SLCO1B3: variants seen among roughly 807,000 people sequenced by gnomAD.
SLCO1B3 encodes the protein liver-specific organic anion transporter 2.
Under a neutral mutation model 71.8 loss-of-function variants are expected in SLCO1B3, and 72 were observed. The observed-to-expected ratio is 1.00, with a 90% CI of 0.83 to 1.22. SLCO1B3 has a LOEUF of 1.22. Among genes scored for constraint, SLCO1B3 ranks in the 50% most tolerant of loss-of-function variants. SLCO1B3 has a pLI of 0.00. For missense variants in SLCO1B3, 911 were observed against 819.7 expected (o/e 1.11, Z -1.36); for synonymous variants, 298 against 278.4 (o/e 1.07, Z -0.70).
intron 5 of SLCO1B3, 41 bp from the exon 6 acceptor site, chr12:20,860,976 A>G (rs766553499): frequency 6.6e-7 from 1 of 1,520,660 alleles, no homozygotes; most frequent in Non-Finnish European, 8.9e-7. Flanking sequence ...GAAAATATTC[A>G]GTAGATAAGC....
intron 13 of SLCO1B3, among the ~76,000 whole-genome samples, chr12:20,897,068 G>T (rs1419640859): frequency 6.6e-6 from 1 of 152,120 alleles, no homozygotes; most frequent in Non-Finnish European, 1.5e-5. Flanking sequence ...CAACACGTGG[G>T]TATTATGTGA....
Position 20,911,689 on chromosome 12 carries a change from C to T in SLCO1B3, c.1866-4315C>T, listed in dbSNP as rs1016195814. Reference sequence around the variant, plus strand: ...AGATTGTATCTTTCAAGGAATTGGTCCATTTCTTTCAGGTTATTAAAATTG... The same window carrying T: ...AGATTGTATCTTTCAAGGAATTGGTTCATTTCTTTCAGGTTATTAAAATTG... On this transcript the variant is annotated intron_variant, in intron 15 of 15. Coordinates refer to ENST00000381545, the MANE Select transcript of SLCO1B3 (RefSeq NM_019844.4). Among the ~76,000 whole-genome samples the T allele has an allele frequency of 2.0e-5, 3 of 151,032 alleles. No individual in the cohort carries two copies. In the South Asian group the frequency reaches 6.2e-4, roughly 31 times the overall value.
At chr12:20,895,763 C>A (rs1255656032) in intron 13 of SLCO1B3, among the ~76,000 whole-genome samples, 2 of 152,182 alleles carry the variant, frequency 1.3e-5, no homozygotes, top group Non-Finnish European at 2.9e-5. Context: ...CCAGTAGGGA[C>A]TCTGTGTGAT....
At chr12:20,820,240 A>G (rs922854489) in intron 3 of SLCO1B3, among the ~76,000 whole-genome samples, 5 of 152,090 alleles carry the variant, frequency 3.3e-5, no homozygotes, top group South Asian at 2.1e-4. Context: ...GTGATGGTCT[A>G]TGGGGCTTCT....
chr12:20,828,258 T>C, intron 3 of SLCO1B3, among the ~76,000 whole-genome samples: 1 of 150,146 alleles, frequency 6.7e-6, no homozygotes, highest in East Asian at 2.0e-4. Flanking sequence ...CCCTTTTGTA[T>C]CTTAAACACC....
chr12:20,907,445 T>C, intron 15 of SLCO1B3, among the ~76,000 whole-genome samples: 1 of 106,784 alleles, frequency 9.4e-6, no homozygotes, highest in Non-Finnish European at 1.9e-5. Flanking sequence ...CCCCTTCCCT[T>C]CCCCTTCCTT....
chr12:20,881,934 A>G (rs1591778868), intron 12 of SLCO1B3, among the ~76,000 whole-genome samples: 2 of 152,312 alleles, frequency 1.3e-5, no homozygotes, highest in East Asian at 3.9e-4. Flanking sequence ...CTACCAACGT[A>G]TTATTAAACG....
intron 3 of SLCO1B3, among the ~76,000 whole-genome samples, chr12:20,837,203 T>A (rs1864702443): frequency 6.6e-6 from 1 of 152,250 alleles, no homozygotes; most frequent in East Asian, 1.9e-4. Flanking sequence ...CACTCTCTTT[T>A]TTTTTCCCTT....
Position 20,860,599 on chromosome 12 carries a change from T to TTGTG in SLCO1B3, c.360-384_360-381dup, listed in dbSNP as rs34409706. ...ATTGAGTTTTGAAAAGTCAAGCACT[T>TTGTG]TGTGTGTGTGTGTGTGTGTGTGTGT... On this transcript the variant is annotated intron_variant, in intron 5 of 15. Coordinates refer to ENST00000381545, the MANE Select transcript of SLCO1B3 (RefSeq NM_019844.4). 2.8e-3 allele frequency among the ~76,000 whole-genome samples: 417 copies of TTGTG among 146,724 alleles called. 2 individuals are homozygous for TTGTG. The highest frequency in any genetic ancestry group is 6.4e-3 in the African/African-American group (254 of 39,634).
chr12:20,816,297 C>A (rs1428604435), intron 3 of SLCO1B3, among the ~76,000 whole-genome samples: 1 of 152,130 alleles, frequency 6.6e-6, no homozygotes, highest in Non-Finnish European at 1.5e-5. Context: ...CTTATTCATT[C>A]TTTTTAACTA....
In SLCO1B3 at chr12:20,862,592, C is replaced by T. The variant is rs74067337; in HGVS notation, c.628+34C>T. 3.9e-3 allele frequency: 6,111 copies of T among 1,557,382 alleles called. 202 individuals are homozygous for T. The African/African-American group carries it at 0.071, about 18-fold the overall frequency. On this transcript the variant is annotated intron_variant, in intron 7 of 15. Coordinates refer to ENST00000381545, the MANE Select transcript of SLCO1B3 (RefSeq NM_019844.4). The stretch of plus-strand genomic sequence containing the variant: ...CAGAATATATTAAATTTCATGATTA[C>T]ATTCCCTGGATCTACCCTTGAAATA...
chr12:20,833,600 C>A (rs11045538), intron 3 of SLCO1B3, among the ~76,000 whole-genome samples: 67,422 of 147,472 alleles, frequency 0.46, 17,370 homozygotes, highest in South Asian at 0.64. Flanking sequence ...TGCATATATA[C>A]ACTATATATA....
At chr12:20,838,352 A>T (rs1007641341) in intron 3 of SLCO1B3, among the ~76,000 whole-genome samples, 14 of 151,894 alleles carry the variant, frequency 9.2e-5, no homozygotes, top group African/African-American at 2.7e-4. Context: ...TTTATATTTA[A>T]AGTGGGTGTC....
intron 12 of SLCO1B3, among the ~76,000 whole-genome samples, chr12:20,881,653 C>G (rs1415097785): frequency 6.6e-6 from 1 of 151,800 alleles, no homozygotes; most frequent in Non-Finnish European, 1.5e-5. Context: ...TTGGAAATTC[C>G]ATTTCTTTCT....
rs1865251486 is a variant in SLCO1B3, at chr12:20,861,015, A to G, written c.360-2A>G. The G allele has an allele frequency of 2.6e-6, 4 of 1,565,766 alleles. No individual in the cohort carries two copies. Among genetic ancestry groups the G allele is most frequent in the African/African-American group, 1.4e-5 (1 of 73,222 alleles). ...ATGTTCAATTTCATGTTGCTCTTACAGTTATAGGTATTCTAAAGAAACCCA... is the reference window on the plus strand; with the variant it reads ...ATGTTCAATTTCATGTTGCTCTTACGGTTATAGGTATTCTAAAGAAACCCA... On this transcript the variant is annotated splice_acceptor_variant, in intron 5 of 15. Transcript: ENST00000381545. LOFTEE classifies it high-confidence loss of function.
intron 3 of SLCO1B3, among the ~76,000 whole-genome samples, chr12:20,833,562 CTATA>C (rs1864591726): frequency 6.8e-6 from 1 of 147,636 alleles, no homozygotes; most frequent in Non-Finnish European, 1.5e-5. Flanking sequence ...CATATGTTTA[CTATA>C]TATACATGAA....
chr12:20,840,432 C>T (rs2121168785), intron 3 of SLCO1B3, among the ~76,000 whole-genome samples: 1 of 147,122 alleles, frequency 6.8e-6, no homozygotes, highest in African/African-American at 2.5e-5. Flanking sequence ...CACTCTGTTG[C>T]CCAGGCTGGA....
chr12:20,849,437 C>T lies in SLCO1B3; in HGVS notation c.85-5591C>T, dbSNP rs375539106. On this transcript the variant is annotated intron_variant, in intron 3 of 15. Transcript: ENST00000381545. The stretch of plus-strand genomic sequence containing the variant: ...AAGGGCATTTATGAAAAATCTTCAG[C>T]TGGCATCATATTTGATATTGAAAGA... Among the ~76,000 whole-genome samples the T allele has an allele frequency of 8.2e-4, 124 of 152,094 alleles. 2 individuals carry two copies. In the South Asian group the frequency reaches 0.025, roughly 31 times the overall value.
Position 20,860,596 on chromosome 12 carries a change from A to G in SLCO1B3, c.360-421A>G, listed in dbSNP as rs554588804. 4.9e-3 allele frequency among the ~76,000 whole-genome samples: 570 copies of G among 116,910 alleles called. 4 individuals are homozygous for G. The highest frequency in any genetic ancestry group is 8.5e-3 in the Admixed American group (99 of 11,610). The allele number at this position is 116,910 out of a possible 152,430, so 76.7% of individuals were successfully genotyped here. ...TTTATTGAGTTTTGAAAAGTCAAGC[A>G]CTTTGTGTGTGTGTGTGTGTGTGTG... On this transcript the variant is annotated intron_variant, in intron 5 of 15. Transcript: ENST00000381545.
Sources: gnomAD v4.1 joint callset for allele counts (sites outside exome capture counted in the v4.1 genomes callset) on GRCh38, gnomAD v4.1.1 for gene constraint, MANE v1.5 for transcripts, NCBI Gene and HGNC (gene_info 2026-07-23, HGNC 2026-07-21) for gene names.